The following SLC8A1 variants were observed in gnomAD, a reference collection of about 807,000 sequenced individuals.
SLC8A1 encodes solute carrier family 8 member A1.
Under a neutral mutation model 68.3 loss-of-function variants are expected in SLC8A1, and 18 were observed. That is an observed-to-expected ratio of 0.26 (90% CI 0.18 to 0.39). The LOEUF (loss-of-function observed/expected upper bound fraction) is 0.39. SLC8A1 is among the 10% of genes least tolerant of loss of function. The probability of loss-of-function intolerance (pLI) is 1.00; values close to 1 mark genes in which losing one functional copy is unlikely to be tolerated. For synonymous variants in SLC8A1, 475 were observed against 415.5 expected (o/e 1.14, Z -1.74); for missense variants, 985 against 1,156.7 (o/e 0.85, Z 2.15).
At chr2:40,193,715 A>C (rs2052353303) in intron 2 of SLC8A1, among the ~76,000 whole-genome samples, 1 of 152,102 alleles carries the variant, frequency 6.6e-6, no homozygotes, top group African/African-American at 2.4e-5. Context: ...AACTTTTAGT[A>C]CAATCACTAA....
At chr2:40,255,827 C>T (rs920744685) in intron 2 of SLC8A1, among the ~76,000 whole-genome samples, 3 of 152,106 alleles carry the variant, frequency 2.0e-5, no homozygotes, top group African/African-American at 7.2e-5. Flanking sequence ...CTTGTCACAT[C>T]AATTAGTCAA....
At chr2:40,170,479 C>T in intron 4 of SLC8A1, 130 bp from the exon 7 acceptor site, 1 of 751,630 alleles carries the variant, frequency 1.3e-6, no homozygotes, top group Non-Finnish European at 2.3e-6. Context: ...TTTGGGGATT[C>T]AATGATCATA....
intron 2 of SLC8A1, among the ~76,000 whole-genome samples, chr2:40,246,596 G>C (rs2061897517): frequency 6.6e-6 from 1 of 152,134 alleles, no homozygotes; most frequent in African/African-American, 2.4e-5. Flanking sequence ...TTGCCTTCAA[G>C]GTCTGCCAGC....
intron 2 of SLC8A1, among the ~76,000 whole-genome samples, chr2:40,342,266 T>G (rs1667936785): frequency 6.6e-6 from 1 of 152,184 alleles, no homozygotes; most frequent in African/African-American, 2.4e-5. Flanking sequence ...GGCCTATATA[T>G]ACTTAGCTCT....
At chr2:40,279,253 A>G (rs1373512679) in intron 2 of SLC8A1, among the ~76,000 whole-genome samples, 3 of 152,162 alleles carry the variant, frequency 2.0e-5, no homozygotes, top group Admixed American at 6.5e-5. Context: ...TCAACTAGCA[A>G]TTTTCTGGCT....
At chr2:40,229,703 A>G (rs407148) in intron 2 of SLC8A1, among the ~76,000 whole-genome samples, 96,512 of 151,932 alleles carry the variant, frequency 0.64, 31,570 homozygotes, top group Middle Eastern at 0.79. Context: ...TAACCTAACA[A>G]CTATACTTTT....
intron 2 of SLC8A1, among the ~76,000 whole-genome samples, chr2:40,264,156 T>G (rs1351322174): frequency 5.3e-5 from 8 of 151,544 alleles, no homozygotes; most frequent in African/African-American, 1.7e-4. Flanking sequence ...TGAGATACCA[T>G]CTCACACCAG....
chr2:40,144,991 A>C (rs1054801061), intron 6 of SLC8A1, among the ~76,000 whole-genome samples: 1 of 152,120 alleles, frequency 6.6e-6, no homozygotes, highest in African/African-American at 2.4e-5. Flanking sequence ...TTTAGTCCCC[A>C]TGTGGCCCAT....
chr2:40,263,208 C>T (rs1212105781), intron 2 of SLC8A1, among the ~76,000 whole-genome samples: 1 of 152,206 alleles, frequency 6.6e-6, no homozygotes, highest in Non-Finnish European at 1.5e-5. Flanking sequence ...CTTTCCAAGC[C>T]TCAGCTTCAC....
At chr2:40,319,081 C>T (rs2074863281) in intron 2 of SLC8A1, among the ~76,000 whole-genome samples, 1 of 152,054 alleles carries the variant, frequency 6.6e-6, no homozygotes, top group Non-Finnish European at 1.5e-5. Flanking sequence ...TTTAGGTAGA[C>T]ACAATGAGAA....
chr2:40,289,008 C>A (rs1485784935), intron 2 of SLC8A1, among the ~76,000 whole-genome samples: 2 of 151,476 alleles, frequency 1.3e-5, no homozygotes, highest in Non-Finnish European at 2.9e-5. Flanking sequence ...GCCAAAATGA[C>A]CATATCTTTT....
intron 3 of SLC8A1, among the ~76,000 whole-genome samples, chr2:40,175,737 C>G (rs1194972999): frequency 6.6e-6 from 1 of 152,062 alleles, no homozygotes; most frequent in Non-Finnish European, 1.5e-5. Flanking sequence ...CCCAGGAACT[C>G]AGGTATCACA....
At chr2:40,268,729 G>C (rs2065666992) in intron 2 of SLC8A1, among the ~76,000 whole-genome samples, 1 of 152,040 alleles carries the variant, frequency 6.6e-6, no homozygotes, top group Non-Finnish European at 1.5e-5. Context: ...GTCCTCAAAG[G>C]GCTCCTGCTC....
At chr2:40,200,247 T>TATATATAAATATATATATAA (rs2054068393) in intron 2 of SLC8A1, among the ~76,000 whole-genome samples, 1 of 18,006 alleles carries the variant, frequency 5.6e-5, no homozygotes, top group African/African-American at 1.4e-4. Context: ...TAAATATATA[T>TATATATAAATATATATATAA]ATATATATAT....
intron 2 of SLC8A1, among the ~76,000 whole-genome samples, chr2:40,357,602 G>T (rs1403272168): frequency 6.6e-6 from 1 of 151,844 alleles, no homozygotes; most frequent in East Asian, 1.9e-4. Flanking sequence ...ACAGGTTGAA[G>T]GGAGCAGTAA....
rs531576897 is a variant in SLC8A1 at position 40,114,615 on chromosome 2, G to A, written c.*638C>T. The A allele has an allele frequency of 2.0e-5, 3 of 152,822 alleles. No homozygotes were observed. In the East Asian group the frequency reaches 5.6e-4, roughly 29 times the overall value. 9.5% of individuals were successfully genotyped at this position (152,822 alleles called of 1,614,324 possible). A position where few individuals can be genotyped will look rare whatever the true frequency, so the allele number is the denominator to read the frequency against. Reference sequence around the variant, plus strand: ...TATCAGACTATTTCTAGAACCATCGGATTTCCTGGCTCCATTCCACTTTTA... The same window carrying A: ...TATCAGACTATTTCTAGAACCATCGAATTTCCTGGCTCCATTCCACTTTTA... On this transcript the variant is annotated 3_prime_UTR_variant, in exon 8 of 8. Coordinates refer to ENST00000406785, the Ensembl canonical transcript of SLC8A1.
At chr2:40,222,717 C>T (rs939515864) in intron 2 of SLC8A1, among the ~76,000 whole-genome samples, 25 of 152,132 alleles carry the variant, frequency 1.6e-4, no homozygotes, top group African/African-American at 4.8e-4. Context: ...AGGATATGAA[C>T]AGACACCTCT....
intron 2 of SLC8A1, among the ~76,000 whole-genome samples, chr2:40,377,957 C>T (rs771153886): frequency 1.3e-5 from 2 of 152,246 alleles, no homozygotes; most frequent in South Asian, 4.1e-4. Context: ...ATTTCTACCA[C>T]AAACTCCAAC....
chr2:40,436,440 C>T (rs916023259), intron 1 of SLC8A1, among the ~76,000 whole-genome samples: 1 of 152,108 alleles, frequency 6.6e-6, no homozygotes, highest in African/African-American at 2.4e-5. Flanking sequence ...AGAGAGGAAA[C>T]ACATGATTCA....
Sources: allele counts gnomAD v4.1 joint callset (sites outside exome capture counted in the v4.1 genomes callset), GRCh38; gene constraint gnomAD v4.1.1; transcripts MANE v1.5; gene names NCBI Gene and HGNC (gene_info 2026-07-23, HGNC 2026-07-21).